CNBD1: variants seen among roughly 807,000 people sequenced by gnomAD.
CNBD1 encodes the protein cyclic nucleotide binding domain containing 1, also known as cyclic nucleotide-binding domain-containing protein 1.
In CNBD1, 71 loss-of-function variants were observed where a neutral mutation model predicts 54.4. The ratio of observed to expected loss-of-function variants is 1.30; its 90% CI spans 1.08 to 1.59. CNBD1 has a LOEUF of 1.59. Ranked by LOEUF, CNBD1 falls within the 40% of genes most tolerant of loss-of-function variation. The pLI is 0.00. For synonymous variants in CNBD1, 182 were observed against 170.7 expected, an observed-to-expected ratio of 1.07 and a Z score of -0.51; for missense variants, 659 against 518.0, an observed-to-expected ratio of 1.27 and a Z score of -2.64.
At chr8:86,927,201 C>A (rs987398469) in intron 3 of CNBD1, among the ~76,000 whole-genome samples, 3 of 152,136 alleles carry the variant, frequency 2.0e-5, no homozygotes, top group African/African-American at 7.2e-5. Context: ...GTGTTGGGAG[C>A]AAACTGAGTG....
chr8:87,337,063 G>T (rs1180952129), intron 8 of CNBD1, among the ~76,000 whole-genome samples: 1 of 152,052 alleles, frequency 6.6e-6, no homozygotes, highest in Non-Finnish European at 1.5e-5. Flanking sequence ...AGCAAAGATG[G>T]GTGCCTGCTC....
At chr8:86,927,201 C>T (rs987398469) in intron 3 of CNBD1, among the ~76,000 whole-genome samples, 9 of 152,136 alleles carry the variant, frequency 5.9e-5, no homozygotes, top group Non-Finnish European at 1.3e-4. Context: ...GTGTTGGGAG[C>T]AAACTGAGTG....
Position 87,356,373 on chromosome 8 carries a change from G to A in CNBD1, c.1303+2587G>A, listed in dbSNP as rs192938239. Among the ~76,000 whole-genome samples, 568 of 152,278 alleles carry A rather than the reference G, an allele frequency of 3.7e-3. 6 individuals are homozygous for A. The highest frequency in any genetic ancestry group is 0.013 in the African/African-American group (552 of 41,582). On this transcript the variant is annotated intron_variant, in intron 10 of 10. Coordinates refer to ENST00000518476, the MANE Select transcript of CNBD1 (RefSeq NM_173538.3). ...CAAAATACTGATAGAAGTATGGATA[G>A]TGAAGGCCAGGCTTATGAGGCCTTA...
intron 4 of CNBD1, among the ~76,000 whole-genome samples, chr8:86,992,776 G>C (rs1808782320): frequency 6.6e-6 from 1 of 152,080 alleles, no homozygotes; most frequent in Non-Finnish European, 1.5e-5. Flanking sequence ...TTTCTTTAAG[G>C]ATGCTGAAAA....
At chr8:87,368,968 A>G (rs1305985079) in intron 10 of CNBD1, among the ~76,000 whole-genome samples, 1 of 151,934 alleles carries the variant, frequency 6.6e-6, no homozygotes, top group Non-Finnish European at 1.5e-5. Flanking sequence ...TTACAGAGCT[A>G]TTAAGGGGTG....
intron 4 of CNBD1, among the ~76,000 whole-genome samples, chr8:87,136,088 T>C (rs547574374): frequency 2.6e-5 from 4 of 152,112 alleles, no homozygotes; most frequent in African/African-American, 9.6e-5. Flanking sequence ...CTTTTTTTGC[T>C]TGGAGAAGAT....
Position 87,203,468 on chromosome 8 carries a change from C to T in CNBD1, c.432-2525C>T, listed in dbSNP as rs547629939. Among the ~76,000 whole-genome samples the T allele has an allele frequency of 1.5e-4, 23 of 152,244 alleles. No individual in the cohort carries two copies. The South Asian group carries it at 4.8e-3, about 32-fold the overall frequency. ...TGCACTTTATCTCTGTGTCAGTTCACTTCCCATTGGCTAGAATTCAGTCAC... is the reference window on the plus strand; with the variant it reads ...TGCACTTTATCTCTGTGTCAGTTCATTTCCCATTGGCTAGAATTCAGTCAC... On this transcript the variant is annotated intron_variant, in intron 4 of 10. Transcript: ENST00000518476.
At chr8:87,275,094 C>A (rs1333532838) in intron 6 of CNBD1, among the ~76,000 whole-genome samples, 1 of 135,678 alleles carries the variant, frequency 7.4e-6, no homozygotes, top group Non-Finnish European at 1.6e-5. Context: ...AGATATGCGG[C>A]GTTATTTCTG....
chr8:87,391,446 TC>T (rs1811307567), intron 2 of CNBD1, among the ~76,000 whole-genome samples: 1 of 151,954 alleles, frequency 6.6e-6, no homozygotes, highest in Admixed American at 6.6e-5. Context: ...GACATACACC[TC>T]CCAATTTCAA....
At chr8:87,171,705 C>T (rs577419408) in intron 4 of CNBD1, among the ~76,000 whole-genome samples, 1 of 151,948 alleles carries the variant, frequency 6.6e-6, no homozygotes, top group South Asian at 2.1e-4. Flanking sequence ...GTGACATGAT[C>T]TCAGCTCACT....
intron 6 of CNBD1, among the ~76,000 whole-genome samples, chr8:87,274,046 T>A (rs1808425768): frequency 6.6e-6 from 1 of 151,762 alleles, no homozygotes; most frequent in Non-Finnish European, 1.5e-5. Flanking sequence ...TTGCGATAGT[T>A]TACTGAGAAT....
intron 4 of CNBD1, among the ~76,000 whole-genome samples, chr8:87,187,919 T>C (rs1211126820): frequency 6.6e-6 from 1 of 152,160 alleles, no homozygotes; most frequent in African/African-American, 2.4e-5. Flanking sequence ...ATGACTTTAT[T>C]TTTCCTAATG....
chr8:87,078,568 C>T (rs1810921922), intron 4 of CNBD1, among the ~76,000 whole-genome samples: 1 of 152,150 alleles, frequency 6.6e-6, no homozygotes, highest in Non-Finnish European at 1.5e-5. Flanking sequence ...TCCATTACTT[C>T]CTTATCAAAG....
intron 4 of CNBD1, among the ~76,000 whole-genome samples, chr8:87,077,767 A>G (rs891763031): frequency 3.9e-5 from 6 of 152,002 alleles, no homozygotes; most frequent in Non-Finnish European, 5.9e-5. Flanking sequence ...TTATGGCTGC[A>G]TAGTATTCCA....
intron 2 of CNBD1, among the ~76,000 whole-genome samples, chr8:87,412,204 A>G (rs1807757729): frequency 1.3e-5 from 2 of 152,064 alleles, no homozygotes; most frequent in African/African-American, 4.8e-5. Context: ...AATGCTAATC[A>G]TTTATGTATG....
Position 86,866,467 on chromosome 8 carries a change from G to T in CNBD1, c.-29G>T. 6.4e-7 allele frequency: 1 copy of T among 1,563,624 alleles called. No homozygotes were observed. On this transcript the variant is annotated 5_prime_UTR_variant, in exon 1 of 11. Transcript: ENST00000518476. ...ATCATTTGCCTCTCAAGCAGCCTCT[G>T]GTCATCTATCTGCCTTTGAGCCATC...
At chr8:87,139,763 C>T (rs1379989358) in intron 4 of CNBD1, among the ~76,000 whole-genome samples, 1 of 152,132 alleles carries the variant, frequency 6.6e-6, no homozygotes, top group Non-Finnish European at 1.5e-5. Flanking sequence ...CAAAGGCCTC[C>T]TCCACAAGTT....
chr8:87,427,328 A>C (rs1808067675), intron 2 of CNBD1, among the ~76,000 whole-genome samples: 1 of 152,222 alleles, frequency 6.6e-6, no homozygotes, highest in Non-Finnish European at 1.5e-5. Flanking sequence ...TCTGTCATTT[A>C]GAGCAGTATG....
At chr8:87,260,878 T>C (rs549626872) in intron 6 of CNBD1, among the ~76,000 whole-genome samples, 1 of 152,236 alleles carries the variant, frequency 6.6e-6, no homozygotes, top group East Asian at 1.9e-4. Context: ...TTTCCAAAAA[T>C]TGAGGATCCC....
Sources: allele counts gnomAD v4.1 joint callset (sites outside exome capture counted in the v4.1 genomes callset), GRCh38; gene constraint gnomAD v4.1.1; transcripts MANE v1.5; gene names NCBI Gene and HGNC (gene_info 2026-07-23, HGNC 2026-07-21).